The following C10orf90 variants were observed in gnomAD, a reference collection of about 807,000 sequenced individuals.
C10orf90 encodes the protein chromosome 10 open reading frame 90, also known as (E2-independent) E3 ubiquitin-conjugating enzyme FATS.
In C10orf90, 56 loss-of-function variants were observed where a neutral mutation model predicts 62.5. The observed-to-expected ratio is 0.90, with a 90% confidence interval of 0.72 to 1.12. C10orf90 has a LOEUF of 1.12. Among genes scored for constraint, C10orf90 ranks in the 50% most tolerant of loss-of-function variants. The probability of loss-of-function intolerance (pLI) is 0.00; values close to 1 mark genes in which losing one functional copy is unlikely to be tolerated. For synonymous variants in C10orf90, 386 were observed against 340.4 expected, an observed-to-expected ratio of 1.13 and a Z score of -1.47; for missense variants, 970 against 880.4, an observed-to-expected ratio of 1.10 and a Z score of -1.29.
intron 2 of C10orf90, among the ~76,000 whole-genome samples, chr10:126,617,154 C>T (rs184773863): frequency 5.3e-5 from 8 of 152,226 alleles, no homozygotes; most frequent in South Asian, 2.1e-4. Context: ...CTCTGTGTGG[C>T]GGGGTGAATT....
rs772970724 is a variant in C10orf90, at chr10:126,603,052, G to A, written c.313+43513C>T. Among the ~76,000 whole-genome samples, 11 of 152,064 alleles carry A rather than the reference G, an allele frequency of 7.2e-5. 2 individuals are homozygous for A. In the South Asian group the frequency reaches 1.5e-3, roughly 20 times the overall value. ...GAGGAGAGAGGGAGTGGACAGGTGC[G>A]GTGGGGGAGGGGATGATGCCTTGCA... On this transcript the variant is annotated intron_variant, in intron 2 of 9. Transcript: ENST00000488181.
intron 2 of C10orf90, among the ~76,000 whole-genome samples, chr10:126,586,317 C>T (rs1844869077): frequency 6.6e-6 from 1 of 152,234 alleles, no homozygotes; most frequent in African/African-American, 2.4e-5. Context: ...CACGCTGGGG[C>T]TCCCCAGCAG....
intron 2 of C10orf90, among the ~76,000 whole-genome samples, chr10:126,620,331 T>C (rs907420496): frequency 6.6e-6 from 1 of 152,208 alleles, no homozygotes; most frequent in African/African-American, 2.4e-5. Context: ...GCGTCATTGC[T>C]GTGGCCCCTG....
At chr10:126,577,081 G>A (rs1844642548) in intron 2 of C10orf90, among the ~76,000 whole-genome samples, 2 of 151,720 alleles carry the variant, frequency 1.3e-5, no homozygotes, top group Admixed American at 6.6e-5. Context: ...GTGTTCTATA[G>A]CACAATAGGA....
In C10orf90 at chr10:126,626,128, CAAAAAA is replaced by C. The variant is rs35587001; in HGVS notation, c.313+20431_313+20436del. Among the ~76,000 whole-genome samples, 32 of 109,892 alleles carry C rather than the reference CAAAAAA, an allele frequency of 2.9e-4. 1 individual carries two copies. Among genetic ancestry groups the C allele is most frequent in the African/African-American group, 1.1e-3 (31 of 29,084 alleles). The allele number at this position is 109,892 out of a possible 152,430, so 72.1% of individuals were successfully genotyped here. On this transcript the variant is annotated intron_variant, in intron 2 of 9. Transcript: ENST00000488181. Reference sequence around the variant, plus strand: ...TGGGCAACACAGCGAGATTCCATCTCAAAAAAAAAAAAAAAAAAAAGTGAGAAGGCT... The same window carrying C: ...TGGGCAACACAGCGAGATTCCATCTCAAAAAAAAAAAAAAGTGAGAAGGCT...
At position 126,504,109 on chromosome 10, in the gene C10orf90, C is replaced by A. The variant is rs1481577317; in HGVS notation, c.1382G>T (p.Gly461Val). The A allele has an allele frequency of 3.7e-6, 6 of 1,614,112 alleles. No homozygotes were observed. Among genetic ancestry groups the A allele is most frequent in the Non-Finnish European group, 5.1e-6 (6 of 1,180,024 alleles). The change falls in exon 4 of 10, where the codon GGT becomes GTT. Residue 461 changes from glycine (G) to valine (V), a missense_variant. By Grantham distance (109) the Gly-to-Val change is moderately radical. Coordinates refer to ENST00000488181, the MANE Select transcript of C10orf90 (RefSeq NM_001350921.2). This position sits in a 1 kb window ranked among gnomAD's most constrained non-coding sequence, Gnocchi z 4.1. Reference sequence around the variant, plus strand: ...TTCTGTGTTTTCCAATGGAAAAGAACCACTCCAAGGACAAGCGCCGGTCCC... The same window carrying A: ...TTCTGTGTTTTCCAATGGAAAAGAAACACTCCAAGGACAAGCGCCGGTCCC... ...HLGTGACPWS[G>V]SFPLENTELA...
At chr10:126,619,446 A>C (rs1244779797) in intron 2 of C10orf90, among the ~76,000 whole-genome samples, 1 of 152,188 alleles carries the variant, frequency 6.6e-6, no homozygotes. Flanking sequence ...AAATCTTTAT[A>C]AACTCTTGAC....
At chr10:126,443,636 C>T (rs1247791792) in intron 7 of C10orf90, among the ~76,000 whole-genome samples, 1 of 151,932 alleles carries the variant, frequency 6.6e-6, no homozygotes, top group Non-Finnish European at 1.5e-5. Context: ...TGACACTATT[C>T]CAGAAGATGG....
intron 2 of C10orf90, among the ~76,000 whole-genome samples, chr10:126,624,532 G>A (rs1282880802): frequency 6.6e-6 from 1 of 152,170 alleles, no homozygotes; most frequent in Non-Finnish European, 1.5e-5. Context: ...AAAAGGCTAA[G>A]AACCAGACTT....
At chr10:126,471,079 C>T (rs981723600) in intron 4 of C10orf90, among the ~76,000 whole-genome samples, 1 of 152,058 alleles carries the variant, frequency 6.6e-6, no homozygotes, top group Non-Finnish European at 1.5e-5. Flanking sequence ...TAGGAGGAGG[C>T]GGATAGCAAA....
At position 126,489,271 on chromosome 10, in the gene C10orf90, T is replaced by C. The variant is rs369783018; in HGVS notation, c.1534+14686A>G. 1.4e-4 allele frequency among the ~76,000 whole-genome samples: 22 copies of C among 151,906 alleles called. No homozygotes were observed. The South Asian group carries it at 3.7e-3, about 26-fold the overall frequency. ...ATATTTATAAAATGAAGAAAGAAAA[T>C]CCCATTATTATTCTACAGGTGCATA... On this transcript the variant is annotated intron_variant, in intron 4 of 9. Coordinates refer to ENST00000488181, the MANE Select transcript of C10orf90 (RefSeq NM_001350921.2).
intron 1 of C10orf90, among the ~76,000 whole-genome samples, chr10:126,669,904 T>C (rs546124350): frequency 1.3e-5 from 2 of 152,290 alleles, no homozygotes; most frequent in African/African-American, 4.8e-5. Flanking sequence ...CATACAGAGC[T>C]AAGAATATTT....
chr10:126,544,932 A>G (rs1230621148), intron 2 of C10orf90, among the ~76,000 whole-genome samples: 5 of 152,268 alleles, frequency 3.3e-5, no homozygotes, highest in South Asian at 2.1e-4. Context: ...GTTGAAGCCA[A>G]TTCCTAGGCT....
chr10:126,456,590 T>C lies in C10orf90; in HGVS notation c.2188+2450A>G, dbSNP rs1590936493. On this transcript the variant is annotated intron_variant, in intron 7 of 9. Transcript: ENST00000488181. This position sits in a 1 kb window ranked among gnomAD's most constrained non-coding sequence, Gnocchi z 4.9. ...TAATGATGTCGCCCCAACAAAAAGA[T>C]ATGTTTAAGTCCTAATCCCCCATAA... is the stretch of plus-strand genomic sequence containing the variant. 6.6e-6 allele frequency among the ~76,000 whole-genome samples: 1 copy of C among 152,228 alleles called. No homozygotes were observed. Among genetic ancestry groups the C allele is most frequent in the East Asian group, 1.9e-4 (1 of 5,202 alleles).
Position 126,459,137 on chromosome 10 carries a change from C to T in C10orf90, c.2091G>A (p.Gln697=). The stretch of plus-strand genomic sequence containing the variant: ...GGTCCTCCTTCCGCTGGGCTTTCCT[C>T]TGCTGGACCATGTGTTCAAGCTTCT... ...RLKKLEHMVQ[Q]RKAQRKEDLR... Residue 697 remains glutamine (Q), a synonymous_variant, in exon 7 of 10, where the codon CAG becomes CAA. Transcript: ENST00000488181. 6.2e-7 allele frequency: 1 copy of T among 1,614,202 alleles called. No homozygotes were observed. Among genetic ancestry groups the T allele is most frequent in the Non-Finnish European group, 8.5e-7 (1 of 1,180,046 alleles).
chr10:126,575,036 CAG>C (rs1844581910), intron 2 of C10orf90, among the ~76,000 whole-genome samples: 1 of 151,904 alleles, frequency 6.6e-6, no homozygotes, highest in African/African-American at 2.4e-5. Flanking sequence ...AAATAAAAAA[CAG>C]AAGCATTAGA....
chr10:126,649,034 GTC>G (rs1196569277), intron 1 of C10orf90, among the ~76,000 whole-genome samples: 574 of 26,520 alleles, frequency 0.022, 3 homozygotes, highest in African/African-American at 0.044. Context: ...CTCTGTCTCT[GTC>G]TCTCTCTCTC....
Position 126,504,648 on chromosome 10 carries a change from G to T in C10orf90, c.843C>A (p.Ala281=). Residue 281 remains alanine (A), a synonymous_variant, in exon 4 of 10, where the codon GCC becomes GCA. Coordinates refer to ENST00000488181, the MANE Select transcript of C10orf90 (RefSeq NM_001350921.2). The surrounding 1 kb of genome is among the most constrained non-coding windows in gnomAD (Gnocchi z 4.1). ...AAGATCTCTGATGCCGACCTGGATG[G>T]GCGCCATTGGCCAGAGCCGGGGGCG... ...FQAPPALANG[A]HPGRHQRSFA... is the part of the protein sequence containing the mutation. 6.2e-7 allele frequency: 1 copy of T among 1,614,224 alleles called. No homozygotes were observed. Among genetic ancestry groups the T allele is most frequent in the Non-Finnish European group, 8.5e-7 (1 of 1,180,044 alleles).
In C10orf90 at chr10:126,464,815, C is replaced by T. The variant is rs138339443; in HGVS notation, c.1706G>A (p.Arg569Gln). 30 of 1,613,938 alleles carry T rather than the reference C, an allele frequency of 1.9e-5. No individual in the cohort carries two copies. The highest frequency in any genetic ancestry group is 6.6e-5 in the South Asian group (6 of 91,064). The change falls in exon 5 of 10, where the codon CGA becomes CAA. Residue 569 changes from arginine (R) to glutamine (Q), a missense_variant. By Grantham distance (43) the Arg-to-Gln change is conservative (BLOSUM62 1). Coordinates refer to ENST00000488181, the MANE Select transcript of C10orf90 (RefSeq NM_001350921.2). ...TCTGGGTTTCAGGAAGCTTTGATGT[C>T]GTCTCTCTGTGGGCTCAGAAAGGTC... ...SRDLSEPTERRHQSFLKPRIL... is the reference protein window; with the variant it reads ...SRDLSEPTERQHQSFLKPRIL...
Sources: allele counts gnomAD v4.1 joint callset (sites outside exome capture counted in the v4.1 genomes callset), GRCh38; gene constraint gnomAD v4.1.1; non-coding constraint Gnocchi (gnomAD v3.1); transcripts MANE v1.5; gene names NCBI Gene and HGNC (gene_info 2026-07-23, HGNC 2026-07-21).